CEP89: variants seen among roughly 807,000 people sequenced by gnomAD.
CEP89 encodes centrosomal protein of 89 kDa.
CEP89 carries 95 observed loss-of-function variants against 97.6 expected under a neutral mutation model. That is an observed-to-expected ratio of 0.97 (90% CI 0.82 to 1.15). The LOEUF (loss-of-function observed/expected upper bound fraction) is 1.15, where lower values mean the gene tolerates loss of function less well. Ranked by LOEUF, CEP89 falls within the 50% of genes most tolerant of loss-of-function variation. The pLI, the probability that CEP89 is intolerant of heterozygous loss-of-function variation, is 0.00. For synonymous variants in CEP89, 354 were observed against 349.1 expected, an observed-to-expected ratio of 1.01 and a Z score of -0.16; for missense variants, 869 against 947.7, an observed-to-expected ratio of 0.92 and a Z score of 1.09.
chr19:32,948,747 A>T (rs534890046), intron 4 of CEP89, among the ~76,000 whole-genome samples: 9 of 151,694 alleles, frequency 5.9e-5, no homozygotes, highest in African/African-American at 2.2e-4. Flanking sequence ...TTTTTTTGAG[A>T]CAGGGTCTCC....
chr19:32,931,997 C>T (rs555159769), intron 8 of CEP89, among the ~76,000 whole-genome samples: 5 of 152,090 alleles, frequency 3.3e-5, no homozygotes, highest in South Asian at 2.1e-4. Flanking sequence ...CTGGCTAACA[C>T]GGTGAAACCC....
At chr19:32,930,577 G>A (rs562683281) in intron 9 of CEP89, among the ~76,000 whole-genome samples, 83 of 151,972 alleles carry the variant, frequency 5.5e-4, no homozygotes, top group Non-Finnish European at 9.4e-4. Flanking sequence ...GTGCCTTCCC[G>A]CCTTCTACCC....
At chr19:32,883,015 C>T (rs565442435) in intron 17 of CEP89, among the ~76,000 whole-genome samples, 88 of 152,070 alleles carry the variant, frequency 5.8e-4, no homozygotes, top group African/African-American at 2.0e-3. Context: ...CCCACCACCA[C>T]ACCTGGTTAA....
intron 12 of CEP89, among the ~76,000 whole-genome samples, 173 bp downstream of exon 12, chr19:32,923,265 TG>T (rs1970288639): frequency 6.6e-6 from 1 of 152,230 alleles, no homozygotes; most frequent in Admixed American, 6.5e-5. Context: ...ATCTTGAAAA[TG>T]TAAGTTTAGA....
chr19:32,896,924 C>T (rs1028588582), intron 16 of CEP89, among the ~76,000 whole-genome samples: 2 of 151,976 alleles, frequency 1.3e-5, no homozygotes, highest in Admixed American at 6.6e-5. Flanking sequence ...AAAAAATGCT[C>T]AACACCACAA....
intron 14 of CEP89, among the ~76,000 whole-genome samples, chr19:32,908,620 G>C (rs1235351123): frequency 6.6e-6 from 1 of 152,216 alleles, no homozygotes; most frequent in Non-Finnish European, 1.5e-5. Context: ...TACAGAAGCT[G>C]AGGACACCTT....
chr19:32,909,328 C>A (rs1969952144), intron 14 of CEP89, among the ~76,000 whole-genome samples: 1 of 152,166 alleles, frequency 6.6e-6, no homozygotes, highest in African/African-American at 2.4e-5. Flanking sequence ...ATTGCATGCA[C>A]CTTATCTATA....
At chr19:32,942,515 T>G (rs2145943221) in intron 5 of CEP89, among the ~76,000 whole-genome samples, 1 of 152,340 alleles carries the variant, frequency 6.6e-6, no homozygotes, top group South Asian at 2.1e-4. Flanking sequence ...AAGGGGCAAT[T>G]CAATTTTCCC....
At chr19:32,923,580 C>T in intron 11 of CEP89, 38 bp from the exon 12 acceptor site, 1 of 1,220,630 alleles carries the variant, frequency 8.2e-7, no homozygotes, top group South Asian at 1.2e-5. Flanking sequence ...CACACACATA[C>T]CCACGCATCT....
Position 32,953,698 on chromosome 19 carries a change from C to T in CEP89, c.409G>A (p.Gly137Ser), listed in dbSNP as rs756192782. The change falls in exon 4 of 19, where the codon GGC becomes AGC. Residue 137 changes from glycine to serine, a missense_variant. Transcript: ENST00000305768. ...EDIETQLSSS[G>S]KELGDVSARE... ...GCACTGACATCCCCCAATTCCTTGC[C>T]GCTGGATGACAGCTGAGTTTCAATG... 10 of 1,614,004 alleles carry T rather than the reference C, an allele frequency of 6.2e-6. No individual in the cohort carries two copies. The highest frequency in any genetic ancestry group is 5.0e-5 in the Admixed American group (3 of 60,004).
intron 16 of CEP89, among the ~76,000 whole-genome samples, chr19:32,897,350 G>A (rs1329770057): frequency 6.6e-6 from 1 of 152,148 alleles, no homozygotes; most frequent in Non-Finnish European, 1.5e-5. Context: ...TCTGGTCTTA[G>A]GTAGAAGAAC....
chr19:32,881,808 A>G, intron 18 of CEP89, 36 bp downstream of exon 18: 1 of 1,554,358 alleles, frequency 6.4e-7, no homozygotes, highest in Non-Finnish European at 8.7e-7. Flanking sequence ...ACATTCAGAC[A>G]TCTCTGCGGG....
intron 2 of CEP89, 55 bp downstream of exon 2, chr19:32,966,305 G>C (rs1044296577): frequency 1.1e-5 from 11 of 988,186 alleles, no homozygotes; most frequent in Non-Finnish European, 1.6e-5. Flanking sequence ...CCAGGATCCA[G>C]TACTTGGAGG....
In CEP89 at chr19:32,949,527, G is replaced by C. The variant is rs559456399; in HGVS notation, c.493-1159C>G. ...AGCCTCCCAGTAGCTAGGACTACAA[G>C]CGTATGACACCAAGCCCAGCTAATT... On this transcript the variant is annotated intron_variant, in intron 4 of 18. Transcript: ENST00000305768. Among the ~76,000 whole-genome samples the C allele has an allele frequency of 2.0e-5, 3 of 152,188 alleles. No individual in the cohort carries two copies. The East Asian group carries it at 5.8e-4, about 29-fold the overall frequency.
chr19:32,947,604 C>T (rs1599766767), intron 5 of CEP89, among the ~76,000 whole-genome samples: 2 of 152,248 alleles, frequency 1.3e-5, no homozygotes, highest in East Asian at 3.9e-4. Context: ...AATCCTCCCA[C>T]CTCAGCCTCC....
At chr19:32,884,879 G>C (rs1214484797) in intron 17 of CEP89, among the ~76,000 whole-genome samples, 1 of 152,060 alleles carries the variant, frequency 6.6e-6, no homozygotes, top group African/African-American at 2.4e-5. Flanking sequence ...CCACTATTTA[G>C]GAATAAAGCT....
At chr19:32,933,024 T>C (rs1423580395) in intron 8 of CEP89, among the ~76,000 whole-genome samples, 1 of 151,942 alleles carries the variant, frequency 6.6e-6, no homozygotes, top group African/African-American at 2.4e-5. Context: ...TGAAAAAATA[T>C]TCAAGTTCAA....
At chr19:32,970,455 C>G (rs1568588068) in intron 1 of CEP89, 1 of 152,004 alleles carries the variant, frequency 6.6e-6, no homozygotes, top group Non-Finnish European at 1.5e-5. Flanking sequence ...AGGTTTAAGA[C>G]CAGCCTGGGC....
chr19:32,902,008 C>CTGTGTG (rs1265424963), intron 14 of CEP89, among the ~76,000 whole-genome samples: 21 of 99,640 alleles, frequency 2.1e-4, no homozygotes, highest in African/African-American at 9.9e-4. Flanking sequence ...CTCTCTCTCT[C>CTGTGTG]TCTGTGTGTG....
Sources: allele counts gnomAD v4.1 joint callset (sites outside exome capture counted in the v4.1 genomes callset), GRCh38; gene constraint gnomAD v4.1.1; transcripts MANE v1.5; gene names NCBI Gene and HGNC (gene_info 2026-07-23, HGNC 2026-07-21).